RHOBTB3: variants seen among roughly 807,000 people sequenced by gnomAD.
The protein encoded by RHOBTB3 is Rho related BTB domain containing 3.
A neutral mutation model predicts 67.2 loss-of-function variants in RHOBTB3; 47 were observed. The observed-to-expected ratio is 0.70, with a 90% CI of 0.55 to 0.89. The LOEUF (loss-of-function observed/expected upper bound fraction) is 0.89. RHOBTB3 is among the 40% of genes least tolerant of loss of function. RHOBTB3 has a pLI of 0.00. For synonymous variants in RHOBTB3, 273 were observed against 274.2 expected (o/e 1.00, Z 0.04); for missense variants, 631 against 750.0 (o/e 0.84, Z 1.85).
At chr5:95,735,627 A>G (rs941425770) in intron 2 of RHOBTB3, among the ~76,000 whole-genome samples, 2 of 152,180 alleles carry the variant, frequency 1.3e-5, no homozygotes, top group African/African-American at 4.8e-5. Context: ...TATTTTCTTA[A>G]TCTAGCTTTA....
In RHOBTB3 at chr5:95,794,236, C is replaced by A; in HGVS notation, c.*1062C>A. On this transcript the variant is annotated 3_prime_UTR_variant, in exon 12 of 12. Transcript: ENST00000379982. Reference sequence around the variant, plus strand: ...TACTTTCTTGATCATTCTGTAAGACCAGGAGGTTGGTAAGAGTGACTAACC... The same window carrying A: ...TACTTTCTTGATCATTCTGTAAGACAAGGAGGTTGGTAAGAGTGACTAACC... The A allele has an allele frequency of 7.1e-6, 2 of 282,962 alleles. No homozygotes were observed. The highest frequency in any genetic ancestry group is 1.4e-5 in the Non-Finnish European group (2 of 141,382). The allele number at this position is 282,962 out of a possible 1,614,324, so 17.5% of individuals were successfully genotyped here.
chr5:95,778,834 T>C (rs1051245494), intron 8 of RHOBTB3, among the ~76,000 whole-genome samples: 4 of 152,256 alleles, frequency 2.6e-5, no homozygotes, highest in African/African-American at 9.6e-5. Flanking sequence ...GGAGGGACAC[T>C]GTCCCAGTGA....
chr5:95,735,699 G>C (rs1195369188), intron 2 of RHOBTB3, among the ~76,000 whole-genome samples: 1 of 152,180 alleles, frequency 6.6e-6, no homozygotes, highest in Non-Finnish European at 1.5e-5. Flanking sequence ...TAGTTAACTA[G>C]AATGTGAGAA....
intron 2 of RHOBTB3, among the ~76,000 whole-genome samples, chr5:95,734,973 A>G (rs1225628996): frequency 6.6e-6 from 1 of 152,190 alleles, no homozygotes; most frequent in Non-Finnish European, 1.5e-5. Flanking sequence ...ATTCTCTCAG[A>G]GTTAAATGGC....
intron 8 of RHOBTB3, among the ~76,000 whole-genome samples, chr5:95,771,952 T>A (rs1403428936): frequency 6.1e-5 from 7 of 114,440 alleles, no homozygotes; most frequent in African/African-American, 1.9e-4. Context: ...TTTCTAAAAT[T>A]AGCTTTTAAA....
intron 5 of RHOBTB3, among the ~76,000 whole-genome samples, chr5:95,752,566 T>C (rs1488512050): frequency 3.9e-5 from 6 of 152,236 alleles, no homozygotes; most frequent in African/African-American, 1.4e-4. Context: ...TGAGAAATAC[T>C]GCTTTAAAAA....
At position 95,794,106 on chromosome 5, in the gene RHOBTB3, AC is replaced by A. The variant is rs1281475167; in HGVS notation, c.*934del. The A allele has an allele frequency of 8.9e-6, 4 of 451,462 alleles. No homozygotes were observed. Among genetic ancestry groups the A allele is most frequent in the Admixed American group, 2.4e-5 (1 of 41,346 alleles). 28.0% of individuals were successfully genotyped at this position (451,462 alleles called of 1,614,324 possible). On this transcript the variant is annotated 3_prime_UTR_variant, in exon 12 of 12. Coordinates refer to ENST00000379982, the MANE Select transcript of RHOBTB3 (RefSeq NM_014899.4). ...GATTCCCGCCTTTGGGGAGGTCTGG[AC>A]CACCCAGGGCCTCCACTGCCACCTT...
chr5:95,781,430 G>T (rs1187861703), intron 9 of RHOBTB3: 2 of 152,246 alleles, frequency 1.3e-5, no homozygotes, highest in Non-Finnish European at 2.9e-5. Context: ...CAAGTCATGA[G>T]CCCTCTAGTG....
At chr5:95,776,834 T>G (rs1739086198) in intron 8 of RHOBTB3, among the ~76,000 whole-genome samples, 1 of 152,240 alleles carries the variant, frequency 6.6e-6, no homozygotes, top group Non-Finnish European at 1.5e-5. Context: ...TACAAAGGAC[T>G]AGCAGAGGCT....
intron 9 of RHOBTB3, 101 bp downstream of exon 9, chr5:95,780,526 A>G (rs1746017923): frequency 4.1e-6 from 4 of 972,594 alleles, no homozygotes; most frequent in Non-Finnish European, 6.3e-6. Flanking sequence ...TTTAAGATTT[A>G]TTAGTTGACA....
At chr5:95,756,770 T>C (rs931477723) in intron 6 of RHOBTB3, among the ~76,000 whole-genome samples, 4 of 152,220 alleles carry the variant, frequency 2.6e-5, no homozygotes, top group African/African-American at 9.6e-5. Context: ...ATCAAGCATC[T>C]TTTCATATGT....
intron 9 of RHOBTB3, chr5:95,783,561 C>CAAAAAAAA (rs201633409): frequency 6.4e-4 from 69 of 107,594 alleles, no homozygotes; most frequent in Admixed American, 8.3e-4. Context: ...CCTGTCTCTA[C>CAAAAAAAA]AAAAAAAAAA....
At chr5:95,773,851 C>G (rs12653589) in intron 8 of RHOBTB3, among the ~76,000 whole-genome samples, 1 of 152,076 alleles carries the variant, frequency 6.6e-6, no homozygotes, top group Non-Finnish European at 1.5e-5. Context: ...GCTCAGCTTA[C>G]CAGGGCCATT....
intron 2 of RHOBTB3, among the ~76,000 whole-genome samples, chr5:95,736,510 A>T (rs1262912066): frequency 6.6e-6 from 1 of 152,230 alleles, no homozygotes; most frequent in South Asian, 2.1e-4. Context: ...AAAACCTTTG[A>T]AGCTTCGTTA....
At chr5:95,765,660 G>C (rs942008828) in intron 7 of RHOBTB3, among the ~76,000 whole-genome samples, 1 of 152,142 alleles carries the variant, frequency 6.6e-6, no homozygotes, top group Admixed American at 6.5e-5. Context: ...ATTCAGTGAC[G>C]CTTTTTGTTT....
chr5:95,761,954 A>C (rs987920116), intron 6 of RHOBTB3, among the ~76,000 whole-genome samples: 1 of 152,234 alleles, frequency 6.6e-6, no homozygotes, highest in African/African-American at 2.4e-5. Context: ...GCATTCATGC[A>C]GAAAGAGAAA....
At chr5:95,733,922 A>C (rs1755381489) in intron 2 of RHOBTB3, among the ~76,000 whole-genome samples, 1 of 152,170 alleles carries the variant, frequency 6.6e-6, no homozygotes, top group South Asian at 2.1e-4. Flanking sequence ...AGATTCCCAC[A>C]TTGCCATTTC....
At chr5:95,739,693 A>G (rs1755546583) in intron 3 of RHOBTB3, among the ~76,000 whole-genome samples, 1 of 152,102 alleles carries the variant, frequency 6.6e-6, no homozygotes, top group African/African-American at 2.4e-5. Context: ...CAAGGACTAC[A>G]GGCACGTGCC....
chr5:95,737,857 C>G (rs545358416), intron 3 of RHOBTB3, among the ~76,000 whole-genome samples: 1 of 152,176 alleles, frequency 6.6e-6, no homozygotes, highest in Admixed American at 6.5e-5. Flanking sequence ...CTTGAGAAGG[C>G]TCCCTCATGC....
Sources: allele counts gnomAD v4.1 joint callset (sites outside exome capture counted in the v4.1 genomes callset), GRCh38; gene constraint gnomAD v4.1.1; transcripts MANE v1.5; gene names NCBI Gene and HGNC (gene_info 2026-07-23, HGNC 2026-07-21).